Variants in HMGB1 observed in about 807,000 individuals in gnomAD.
HMGB1 encodes the protein high mobility group protein B1.
For synonymous variants in HMGB1, 81 were observed against 84.0 expected, an observed-to-expected ratio of 0.96 and a Z score of 0.19; for missense variants, 79 against 253.5, an observed-to-expected ratio of 0.31 and a Z score of 4.67.
At position 30,459,000 on chromosome 13, in the gene HMGB1, T is replaced by A. The variant is rs1340478976; in HGVS notation, c.*2357A>T. On this transcript the variant is annotated 3_prime_UTR_variant, in exon 5 of 5. Transcript: ENST00000341423. ...AAAAACTAAGATTTATACATCTTAG[T>A]TCATTAGTTTTAAAAAGCATCTTCA... The A allele has an allele frequency of 6.6e-6, 1 of 152,154 alleles. No individual in the cohort carries two copies. Among genetic ancestry groups the A allele is most frequent in the African/African-American group, 2.4e-5 (1 of 41,424 alleles). The allele number at this position is 152,154 out of a possible 1,614,324, so 9.4% of individuals were successfully genotyped here.
At chr13:30,499,622 G>A (rs533261323) in intron 1 of HMGB1, among the ~76,000 whole-genome samples, 2 of 152,160 alleles carry the variant, frequency 1.3e-5, no homozygotes, top group African/African-American at 2.4e-5. Context: ...TCTTGTTCTC[G>A]CAGAAGCACA....
At chr13:30,616,290 GA>G (rs1175336264) in intron 1 of HMGB1, among the ~76,000 whole-genome samples, 5 of 152,122 alleles carry the variant, frequency 3.3e-5, no homozygotes, top group African/African-American at 1.2e-4. Flanking sequence ...TTTTTCTTCT[GA>G]AAAAATACCA....
At chr13:30,558,360 C>A (rs1430452711) in intron 1 of HMGB1, among the ~76,000 whole-genome samples, 1 of 152,090 alleles carries the variant, frequency 6.6e-6, no homozygotes, top group Non-Finnish European at 1.5e-5. Context: ...CAAAAGTGAA[C>A]AGTGCTGAAT....
intron 1 of HMGB1, among the ~76,000 whole-genome samples, chr13:30,538,191 C>T (rs1370734578): frequency 3.9e-5 from 6 of 152,206 alleles, no homozygotes; most frequent in African/African-American, 1.2e-4. Context: ...TCCCAGACAC[C>T]GGGTTTCTTC....
At chr13:30,464,836 G>A (rs1159038995) in intron 1 of HMGB1, 6 of 156,516 alleles carry the variant, frequency 3.8e-5, no homozygotes, top group East Asian at 2.1e-4. Context: ...GGCGGCGGCG[G>A]GCGGGGTGCG....
intron 1 of HMGB1, chr13:30,554,620 A>G (rs1421969568): frequency 1.3e-6 from 1 of 772,174 alleles, no homozygotes; most frequent in Non-Finnish European, 2.4e-6. Flanking sequence ...ATGGGAACAG[A>G]ATTGGTCTAG....
chr13:30,570,013 C>A (rs940940072), intron 1 of HMGB1, among the ~76,000 whole-genome samples: 4 of 152,196 alleles, frequency 2.6e-5, no homozygotes, highest in Non-Finnish European at 5.9e-5. Flanking sequence ...CGAGAGAAAG[C>A]AGAACAGATT....
chr13:30,544,976 C>T (rs1327201438), intron 1 of HMGB1, among the ~76,000 whole-genome samples: 1 of 152,194 alleles, frequency 6.6e-6, no homozygotes, highest in Non-Finnish European at 1.5e-5. Flanking sequence ...CTCCTGGCCT[C>T]CAATCTTTTA....
At chr13:30,530,098 T>C (rs1055631883) in intron 1 of HMGB1, among the ~76,000 whole-genome samples, 1 of 151,986 alleles carries the variant, frequency 6.6e-6, no homozygotes, top group African/African-American at 2.4e-5. Context: ...AATAAGACAA[T>C]AATATATAAT....
chr13:30,591,162 C>G (rs1871351976), intron 1 of HMGB1, among the ~76,000 whole-genome samples: 2 of 150,958 alleles, frequency 1.3e-5, no homozygotes, highest in Non-Finnish European at 2.9e-5. Context: ...TCCCAAGTAG[C>G]TGGGATTACA....
At chr13:30,574,766 C>T (rs1870575545) in intron 1 of HMGB1, among the ~76,000 whole-genome samples, 2 of 152,154 alleles carry the variant, frequency 1.3e-5, no homozygotes, top group African/African-American at 4.8e-5. Flanking sequence ...GAGGGCTGTC[C>T]TTACTGCAGA....
intron 1 of HMGB1, among the ~76,000 whole-genome samples, chr13:30,566,573 G>A (rs1007475231): frequency 1.3e-5 from 2 of 152,120 alleles, no homozygotes; most frequent in Non-Finnish European, 2.9e-5. Context: ...TTAGCCTGTA[G>A]GCCATATAGA....
At chr13:30,475,941 C>T (rs1887086176) in intron 1 of HMGB1, among the ~76,000 whole-genome samples, 1 of 152,132 alleles carries the variant, frequency 6.6e-6, no homozygotes, top group African/African-American at 2.4e-5. Context: ...CATATCACCT[C>T]CCTGGCCCCT....
At chr13:30,528,196 C>T (rs953906660) in intron 1 of HMGB1, among the ~76,000 whole-genome samples, 10 of 152,184 alleles carry the variant, frequency 6.6e-5, no homozygotes, top group African/African-American at 2.2e-4. Flanking sequence ...GGGCTCCCAT[C>T]GCCAGCAAAA....
At chr13:30,547,059 C>A (rs929427992) in intron 1 of HMGB1, among the ~76,000 whole-genome samples, 1 of 152,244 alleles carries the variant, frequency 6.6e-6, no homozygotes, top group Non-Finnish European at 1.5e-5. Flanking sequence ...GTGTGTGGCC[C>A]ATGCCAAGCC....
intron 1 of HMGB1, among the ~76,000 whole-genome samples, chr13:30,471,420 T>C (rs1311685736): frequency 6.6e-6 from 1 of 152,074 alleles, no homozygotes; most frequent in Non-Finnish European, 1.5e-5. Context: ...CGATCTCGGC[T>C]CACTGCAACC....
intron 1 of HMGB1, among the ~76,000 whole-genome samples, chr13:30,532,334 CA>C (rs34132409): frequency 0.53 from 60,381 of 113,244 alleles, 13,715 homozygotes; most frequent in Non-Finnish European, 0.56. Context: ...GACTCTGTCT[CA>C]AAAAAAAAAA....
intron 1 of HMGB1, among the ~76,000 whole-genome samples, chr13:30,597,338 C>T (rs552581582): frequency 6.6e-6 from 1 of 152,334 alleles, no homozygotes; most frequent in Admixed American, 6.5e-5. Flanking sequence ...AGATTTTCAG[C>T]AAATCACCAG....
intron 1 of HMGB1, among the ~76,000 whole-genome samples, chr13:30,575,968 C>G (rs1240831021): frequency 6.6e-6 from 1 of 152,138 alleles, no homozygotes; most frequent in East Asian, 1.9e-4. Flanking sequence ...GCCATTTCCA[C>G]TGTGAATATG....
Sources: allele counts gnomAD v4.1 joint callset (sites outside exome capture counted in the v4.1 genomes callset), GRCh38; gene constraint gnomAD v4.1.1; transcripts MANE v1.5; gene names NCBI Gene and HGNC (gene_info 2026-07-23, HGNC 2026-07-21).